SULF1: variants seen among roughly 807,000 people sequenced by gnomAD.
SULF1 encodes sulfatase 1.
Under a neutral mutation model 110.5 loss-of-function variants are expected in SULF1, and 46 were observed. The observed-to-expected ratio is 0.42, with a 90% CI of 0.33 to 0.53. SULF1 has a LOEUF of 0.53. Ranked by LOEUF, SULF1 falls within the 20% of genes least tolerant of loss-of-function variation. The pLI, the probability that SULF1 is intolerant of heterozygous loss-of-function variation, is 0.12. For synonymous variants in SULF1, 371 were observed against 387.1 expected (o/e 0.96, Z 0.49); for missense variants, 941 against 1,094.2 (o/e 0.86, Z 1.98).
At chr8:69,575,912 C>T (rs1275121778) in intron 5 of SULF1, 58 bp from the exon 6 acceptor site, 8 of 1,579,226 alleles carry the variant, frequency 5.1e-6, no homozygotes, top group Admixed American at 1.7e-5. Context: ...GGGGCACAAT[C>T]GAAATAGGCA....
chr8:69,610,470 G>A (rs78365471), intron 13 of SULF1, among the ~76,000 whole-genome samples: 13 of 152,270 alleles, frequency 8.5e-5, no homozygotes, highest in Non-Finnish European at 1.9e-4. Flanking sequence ...ATGGCTCATA[G>A]ACATCTTCCC....
At chr8:69,565,993 C>G (rs897713007) in intron 5 of SULF1, among the ~76,000 whole-genome samples, 5 of 152,090 alleles carry the variant, frequency 3.3e-5, no homozygotes, top group African/African-American at 1.2e-4. Flanking sequence ...TCATGTCATG[C>G]GCTTGGTGTT....
chr8:69,589,181 C>T, intron 8 of SULF1, 40 bp downstream of exon 8: 4 of 1,589,074 alleles, frequency 2.5e-6, no homozygotes, highest in East Asian at 2.3e-5. Context: ...CCGAACATGC[C>T]TTTCCCTTTT....
chr8:69,576,730 C>G (rs1261546980), intron 6 of SULF1, among the ~76,000 whole-genome samples: 5 of 152,202 alleles, frequency 3.3e-5, no homozygotes, highest in Admixed American at 3.3e-4. Context: ...CCCTATCCTC[C>G]CAGCATGTAG....
At chr8:69,565,824 ACTTTCACT>A (rs1316024269) in intron 5 of SULF1, among the ~76,000 whole-genome samples, 16 of 151,320 alleles carry the variant, frequency 1.1e-4, no homozygotes, top group South Asian at 2.1e-4. Context: ...CCTTTCCTCC[ACTTTCACT>A]CTGTGCTTCA....
intron 3 of SULF1, among the ~76,000 whole-genome samples, chr8:69,547,037 A>G (rs1182880996): frequency 6.6e-6 from 1 of 152,216 alleles, no homozygotes; most frequent in Non-Finnish European, 1.5e-5. Flanking sequence ...ATCTATATCC[A>G]TGAATGATCA....
At chr8:69,616,140 A>G (rs1809104466) in intron 13 of SULF1, among the ~76,000 whole-genome samples, 1 of 140,982 alleles carries the variant, frequency 7.1e-6, no homozygotes, top group African/African-American at 2.6e-5. Flanking sequence ...ATATATATAC[A>G]CACATATATG....
intron 3 of SULF1, among the ~76,000 whole-genome samples, chr8:69,536,214 G>T (rs1813423810): frequency 6.6e-6 from 1 of 152,110 alleles, no homozygotes; most frequent in African/African-American, 2.4e-5. Context: ...ACCACCCATT[G>T]TCTGTTTGGT....
At chr8:69,557,435 C>A (rs1586394857) in intron 3 of SULF1, among the ~76,000 whole-genome samples, 1 of 152,064 alleles carries the variant, frequency 6.6e-6, no homozygotes. Flanking sequence ...CTAAAATGCC[C>A]TTCGGAAGCT....
At chr8:69,529,756 GGCT>G (rs1812956447) in intron 3 of SULF1, among the ~76,000 whole-genome samples, 1 of 152,158 alleles carries the variant, frequency 6.6e-6, no homozygotes, top group African/African-American at 2.4e-5. Context: ...CTCTCCATGG[GGCT>G]GCTTGAGTGT....
chr8:69,509,697 T>G (rs913993280), intron 3 of SULF1, among the ~76,000 whole-genome samples: 1 of 152,218 alleles, frequency 6.6e-6, no homozygotes, highest in Non-Finnish European at 1.5e-5. Context: ...CTCTGCTCAC[T>G]GTCCATACGT....
At chr8:69,520,027 A>G (rs916507036) in intron 3 of SULF1, among the ~76,000 whole-genome samples, 6 of 151,692 alleles carry the variant, frequency 4.0e-5, no homozygotes, top group Middle Eastern at 3.4e-3. Context: ...TTAAAAATCT[A>G]TGACGCTTAA....
intron 3 of SULF1, among the ~76,000 whole-genome samples, chr8:69,518,295 T>G (rs532590955): frequency 6.6e-6 from 1 of 152,204 alleles, no homozygotes; most frequent in Non-Finnish European, 1.5e-5. Context: ...ATGTTCACCT[T>G]TTCGTTAATA....
intron 3 of SULF1, among the ~76,000 whole-genome samples, chr8:69,534,915 T>G (rs549256329): frequency 3.1e-4 from 47 of 152,038 alleles, no homozygotes; most frequent in African/African-American, 8.9e-4. Flanking sequence ...TGATATGAAA[T>G]AATATAAGAC....
Position 69,659,207 on chromosome 8 carries a change from A to G in SULF1, c.*672A>G, listed in dbSNP as rs936800292. 4.4e-6 allele frequency: 2 copies of G among 456,706 alleles called. No homozygotes were observed. The highest frequency in any genetic ancestry group is 4.0e-5 in the African/African-American group (2 of 50,070). 28.3% of individuals were successfully genotyped at this position (456,706 alleles called of 1,614,324 possible). ...ATGTTCACCATGGCCACCGCAGAACACCGAAGTAATTCCAGCATAGCGGGG... is the reference window on the plus strand; with the variant it reads ...ATGTTCACCATGGCCACCGCAGAACGCCGAAGTAATTCCAGCATAGCGGGG... On this transcript the variant is annotated 3_prime_UTR_variant, in exon 23 of 23. Coordinates refer to ENST00000402687, the MANE Select transcript of SULF1 (RefSeq NM_001128205.2).
At chr8:69,600,310 G>T (rs1356117916) in intron 8 of SULF1, among the ~76,000 whole-genome samples, 1 of 151,624 alleles carries the variant, frequency 6.6e-6, no homozygotes, top group Non-Finnish European at 1.5e-5. Context: ...AATCATCTTG[G>T]TATGTTTCTT....
rs892346148 is a variant in SULF1 at position 69,657,498 on chromosome 8, A to G, written c.2586-1007A>G. ...AAAGATTGACGTTCTTTCCACCAAC[A>G]GCCTCCAATCAATCTTTGACTCCAC... is the stretch of plus-strand genomic sequence containing the variant. On this transcript the variant is annotated intron_variant, in intron 22 of 22. Coordinates refer to ENST00000402687, the MANE Select transcript of SULF1 (RefSeq NM_001128205.2). Among the ~76,000 whole-genome samples the G allele has an allele frequency of 2.0e-5, 3 of 152,330 alleles. No individual in the cohort carries two copies. The South Asian group carries it at 6.2e-4, about 32-fold the overall frequency.
At chr8:69,612,704 CT>C (rs1465085974) in intron 13 of SULF1, among the ~76,000 whole-genome samples, 5 of 151,814 alleles carry the variant, frequency 3.3e-5, no homozygotes, top group African/African-American at 1.2e-4. Flanking sequence ...GAATTATTGG[CT>C]TTTTTCTTGC....
intron 22 of SULF1, among the ~76,000 whole-genome samples, chr8:69,643,667 TTCTTTTCTTTTCTA>T (rs1380162212): frequency 6.6e-6 from 1 of 151,396 alleles, no homozygotes; most frequent in African/African-American, 2.5e-5. Context: ...CTCAATTTCT[TTCTTTTCTTTTCTA>T]TCTTTTCTTT....
Sources: allele counts gnomAD v4.1 joint callset (sites outside exome capture counted in the v4.1 genomes callset), GRCh38; gene constraint gnomAD v4.1.1; transcripts MANE v1.5; gene names NCBI Gene and HGNC (gene_info 2026-07-23, HGNC 2026-07-21).